The following ARMC9 variants were observed in gnomAD, a reference collection of about 807,000 sequenced individuals.
ARMC9 encodes the protein lisH domain-containing protein ARMC9.
Under a neutral mutation model 107.0 loss-of-function variants are expected in ARMC9, and 94 were observed. The observed-to-expected ratio is 0.88, with a 90% CI of 0.74 to 1.04. The LOEUF (loss-of-function observed/expected upper bound fraction) is 1.04. Ranked by LOEUF, ARMC9 falls within the 50% of genes least tolerant of loss-of-function variation. The pLI, the probability that ARMC9 is intolerant of heterozygous loss-of-function variation, is 0.00. For synonymous variants in ARMC9, 380 were observed against 396.9 expected (o/e 0.96, Z 0.51); for missense variants, 942 against 1,030.1 (o/e 0.91, Z 1.17).
intron 17 of ARMC9, among the ~76,000 whole-genome samples, chr2:231,284,632 A>C (rs1274132924): frequency 6.6e-6 from 1 of 152,236 alleles, no homozygotes; most frequent in Non-Finnish European, 1.5e-5. Context: ...TAAGCAAGAC[A>C]GAAGCCCCAG....
chr2:231,245,835 T>G (rs1164980109), intron 9 of ARMC9, among the ~76,000 whole-genome samples: 1 of 152,094 alleles, frequency 6.6e-6, no homozygotes, highest in East Asian at 1.9e-4. Flanking sequence ...CACCCCCTGT[T>G]CCCCCTGGGC....
intron 23 of ARMC9, among the ~76,000 whole-genome samples, chr2:231,368,244 G>A (rs2045890647): frequency 6.6e-6 from 1 of 152,034 alleles, no homozygotes; most frequent in Non-Finnish European, 1.5e-5. Context: ...CATCAGCAAA[G>A]CTTTCATGTA....
chr2:231,261,875 T>G (rs1328785020), intron 11 of ARMC9, among the ~76,000 whole-genome samples: 2 of 151,500 alleles, frequency 1.3e-5, no homozygotes, highest in Non-Finnish European at 2.9e-5. Context: ...CAGGCTGGAG[T>G]GCAGTGGCGC....
Position 231,298,463 on chromosome 2 carries a change from G to A in ARMC9, c.1773+2210G>A, listed in dbSNP as rs185082693. Among the ~76,000 whole-genome samples the A allele has an allele frequency of 2.6e-5, 4 of 152,366 alleles. No individual in the cohort carries two copies. In the East Asian group the frequency reaches 5.8e-4, roughly 22 times the overall value. The stretch of plus-strand genomic sequence containing the variant: ...GAATCCTTTGAGAAGTAGCACTGTT[G>A]TTGGAATGTGGTTATCACTTCCCAA... On this transcript the variant is annotated intron_variant, in intron 19 of 24. Transcript: ENST00000611582.
chr2:231,349,220 G>A (rs139359023), intron 21 of ARMC9, among the ~76,000 whole-genome samples: 2,045 of 152,246 alleles, frequency 0.013, 47 homozygotes, highest in African/African-American at 0.047. Context: ...AGAAAATGTG[G>A]TACATATACA....
At chr2:231,266,191 C>T (rs1254163225) in intron 12 of ARMC9, among the ~76,000 whole-genome samples, 4 of 152,090 alleles carry the variant, frequency 2.6e-5, no homozygotes, top group Non-Finnish European at 4.4e-5. Context: ...TAACATGCAT[C>T]GTTATCTCCT....
intron 19 of ARMC9, among the ~76,000 whole-genome samples, chr2:231,315,154 A>G (rs905804205): frequency 2.7e-5 from 4 of 150,056 alleles, no homozygotes; most frequent in Non-Finnish European, 5.9e-5. Context: ...CAGGAGAATC[A>G]CTTGAACCTG....
chr2:231,204,697 G>C (rs879498362), intron 1 of ARMC9, among the ~76,000 whole-genome samples: 2 of 151,978 alleles, frequency 1.3e-5, no homozygotes, highest in East Asian at 3.9e-4. Flanking sequence ...TCTTAGAAAG[G>C]GTGGTCAGGG....
chr2:231,234,884 G>A (rs965898013), intron 7 of ARMC9, among the ~76,000 whole-genome samples: 8 of 152,222 alleles, frequency 5.3e-5, no homozygotes, highest in Non-Finnish European at 7.3e-5. Context: ...GGGATTACAG[G>A]CGTGAGCCAC....
intron 19 of ARMC9, among the ~76,000 whole-genome samples, chr2:231,319,914 C>G (rs2042905886): frequency 6.6e-6 from 1 of 152,148 alleles, no homozygotes; most frequent in African/African-American, 2.4e-5. Flanking sequence ...CTCTCCCTCC[C>G]CTCCTTCTCT....
intron 22 of ARMC9, among the ~76,000 whole-genome samples, chr2:231,359,782 ACCGCCCAGTGCCACCCGCTG>A (rs1163886262): frequency 6.6e-6 from 1 of 152,102 alleles, no homozygotes; most frequent in Non-Finnish European, 1.5e-5. Flanking sequence ...CCAGGTGGAG[ACCGCCCAGTGCCACCCGCTG>A]GGTTCTGGTA....
intron 20 of ARMC9, among the ~76,000 whole-genome samples, chr2:231,343,526 T>C (rs2044643092): frequency 6.6e-6 from 1 of 152,150 alleles, no homozygotes; most frequent in Non-Finnish European, 1.5e-5. Context: ...ATATCTTATG[T>C]AATTTATAGC....
At chr2:231,265,224 AC>A (rs1253727734) in intron 12 of ARMC9, among the ~76,000 whole-genome samples, 1 of 152,224 alleles carries the variant, frequency 6.6e-6, no homozygotes, top group African/African-American at 2.4e-5. Flanking sequence ...ATGTAGAACT[AC>A]CATTTGGTCC....
chr2:231,250,884 G>C (rs2037238477), intron 9 of ARMC9, among the ~76,000 whole-genome samples: 1 of 152,180 alleles, frequency 6.6e-6, no homozygotes, highest in East Asian at 1.9e-4. Context: ...CTCAGTCCCT[G>C]TGTTTGCTGA....
intron 16 of ARMC9, among the ~76,000 whole-genome samples, chr2:231,281,693 G>A (rs1462649144): frequency 2.0e-5 from 3 of 152,144 alleles, no homozygotes; most frequent in Admixed American, 6.6e-5. Flanking sequence ...GGTTCCTATC[G>A]AAGAGGCTTG....
intron 1 of ARMC9, among the ~76,000 whole-genome samples, chr2:231,200,546 C>A (rs1379503152): frequency 1.3e-5 from 2 of 152,146 alleles, no homozygotes; most frequent in Non-Finnish European, 2.9e-5. Flanking sequence ...TGGTGGCGGA[C>A]GCCTGTAATC....
chr2:231,341,531 A>G (rs1275073358), intron 20 of ARMC9, among the ~76,000 whole-genome samples: 1 of 152,220 alleles, frequency 6.6e-6, no homozygotes, highest in Non-Finnish European at 1.5e-5. Flanking sequence ...TCTGTTGGTC[A>G]GGAAGGAGAG....
In ARMC9 at chr2:231,345,035, G is replaced by T. The variant is rs138555701; in HGVS notation, c.1939G>T (p.Asp647Tyr). The change falls in exon 21 of 25, where the codon GAT becomes TAT. Residue 647 changes from aspartate (D) to tyrosine (Y), a missense_variant. Coordinates refer to ENST00000611582, the MANE Select transcript of ARMC9 (RefSeq NM_001352754.2). ...KGLANVQWSG[D>Y]EPLQRPVTPG... ...GCTGGCTAATGTGCAGTGGAGCGGG[G>T]ATGAGCCCCTGCAAAGGCCCGTCAC... is the stretch of plus-strand genomic sequence containing the variant. The T allele has an allele frequency of 3.3e-5, 53 of 1,614,114 alleles. No individual in the cohort carries two copies. In the African/African-American group the frequency reaches 6.0e-4, roughly 18 times the overall value.
intron 9 of ARMC9, among the ~76,000 whole-genome samples, chr2:231,240,336 T>C (rs1184523041): frequency 6.6e-6 from 1 of 152,234 alleles, no homozygotes; most frequent in Non-Finnish European, 1.5e-5. Context: ...TTTATTCTCC[T>C]TTTTTAAAAG....
Sources: gnomAD v4.1 joint callset for allele counts (sites outside exome capture counted in the v4.1 genomes callset) on GRCh38, gnomAD v4.1.1 for gene constraint, MANE v1.5 for transcripts, NCBI Gene and HGNC (gene_info 2026-07-23, HGNC 2026-07-21) for gene names.